The following NOS1AP variants were observed in gnomAD, a reference collection of about 807,000 sequenced individuals.
NOS1AP encodes carboxyl-terminal PDZ ligand of neuronal nitric oxide synthase protein.
A neutral mutation model predicts 56.2 loss-of-function variants in NOS1AP; 21 were observed. The ratio of observed to expected loss-of-function variants is 0.37; its 90% CI spans 0.26 to 0.54. NOS1AP has a LOEUF of 0.54. Ranked by LOEUF, NOS1AP falls within the 20% of genes least tolerant of loss-of-function variation. The probability of loss-of-function intolerance (pLI) is 0.84; values close to 1 mark genes in which losing one functional copy is unlikely to be tolerated. For missense variants in NOS1AP, 522 were observed against 657.8 expected (o/e 0.79, Z 2.26); for synonymous variants, 270 against 274.6 (o/e 0.98, Z 0.17).
At chr1:162,243,069 G>A (rs935269739) in intron 2 of NOS1AP, among the ~76,000 whole-genome samples, 2 of 152,184 alleles carry the variant, frequency 1.3e-5, no homozygotes, top group Non-Finnish European at 2.9e-5. Context: ...CCCTAAGGGA[G>A]CCTACTGTTC....
intron 4 of NOS1AP, among the ~76,000 whole-genome samples, chr1:162,301,167 G>A (rs1475221258): frequency 6.6e-6 from 1 of 152,190 alleles, no homozygotes; most frequent in Non-Finnish European, 1.5e-5. Flanking sequence ...TGTGTCTACA[G>A]GTCTGAATGC....
chr1:162,271,462 T>A (rs764932552), intron 2 of NOS1AP, among the ~76,000 whole-genome samples: 6 of 152,220 alleles, frequency 3.9e-5, no homozygotes, highest in Non-Finnish European at 7.3e-5. Flanking sequence ...GATATGAAAG[T>A]GCTCTGATAT....
intron 2 of NOS1AP, among the ~76,000 whole-genome samples, chr1:162,197,680 G>T (rs912292736): frequency 3.3e-5 from 5 of 152,184 alleles, no homozygotes; most frequent in Admixed American, 3.3e-4. Flanking sequence ...GACTTGTCTC[G>T]GGTCACTTAG....
chr1:162,348,837 G>T (rs1657389948), intron 6 of NOS1AP, among the ~76,000 whole-genome samples: 1 of 152,182 alleles, frequency 6.6e-6, no homozygotes, highest in Non-Finnish European at 1.5e-5. Context: ...TGGCTCATGG[G>T]CCTATATGGC....
At chr1:162,364,753 A>G in intron 8 of NOS1AP, 3 of 987,194 alleles carry the variant, frequency 3.0e-6, no homozygotes, top group Non-Finnish European at 3.6e-6. Context: ...TGTCTGCCAT[A>G]GCAAATAAAA....
intron 2 of NOS1AP, among the ~76,000 whole-genome samples, chr1:162,264,441 T>TCTCCTCTCCTCTCCTCTCC (rs1654340362): frequency 2.1e-3 from 1 of 484 alleles, no homozygotes. Flanking sequence ...TTCTCTTCTC[T>TCTCCTCTCCTCTCCTCTCC]TCTCTTCTCT....
chr1:162,172,892 C>G (rs1269931667), intron 2 of NOS1AP, among the ~76,000 whole-genome samples: 5 of 150,992 alleles, frequency 3.3e-5, no homozygotes, highest in African/African-American at 1.2e-4. Context: ...GAGTGTTATT[C>G]TTAACCAAAC....
At chr1:162,089,149 A>G (rs570946721) in intron 1 of NOS1AP, among the ~76,000 whole-genome samples, 1 of 152,294 alleles carries the variant, frequency 6.6e-6, no homozygotes, top group East Asian at 1.9e-4. Context: ...TTTGGTGAAC[A>G]GAGCTGGGAA....
At chr1:162,268,394 CCTT>C (rs1277520112) in intron 2 of NOS1AP, among the ~76,000 whole-genome samples, 2 of 152,094 alleles carry the variant, frequency 1.3e-5, no homozygotes, top group Admixed American at 6.6e-5. Context: ...GATCTCCAGG[CCTT>C]GACATGTGAA....
chr1:162,348,179 C>T (rs1011933943), intron 6 of NOS1AP, among the ~76,000 whole-genome samples: 2 of 152,170 alleles, frequency 1.3e-5, no homozygotes, highest in African/African-American at 2.4e-5. Flanking sequence ...GCAAGGAGTA[C>T]ATATGTTTTA....
At chr1:162,206,199 C>T (rs1159857002) in intron 2 of NOS1AP, among the ~76,000 whole-genome samples, 1 of 151,936 alleles carries the variant, frequency 6.6e-6, no homozygotes, top group Non-Finnish European at 1.5e-5. Context: ...GGGATTTTTA[C>T]TCCAGGGAGC....
At chr1:162,208,464 AC>A (rs1652239248) in intron 2 of NOS1AP, among the ~76,000 whole-genome samples, 1 of 152,154 alleles carries the variant, frequency 6.6e-6, no homozygotes, top group Non-Finnish European at 1.5e-5. Flanking sequence ...CATTTTAGCC[AC>A]CATGTATCTA....
At chr1:162,277,128 G>A (rs543815263) in intron 2 of NOS1AP, among the ~76,000 whole-genome samples, 8 of 152,216 alleles carry the variant, frequency 5.3e-5, no homozygotes, top group Non-Finnish European at 1.0e-4. Context: ...CTGCAGAATG[G>A]CCTATAAATT....
intron 1 of NOS1AP, among the ~76,000 whole-genome samples, chr1:162,118,979 G>C (rs932349119): frequency 1.3e-5 from 2 of 152,100 alleles, no homozygotes; most frequent in Non-Finnish European, 2.9e-5. Flanking sequence ...AAAGTTCATG[G>C]GGATTTCTAG....
intron 1 of NOS1AP, among the ~76,000 whole-genome samples, chr1:162,094,994 A>T (rs1469285394): frequency 6.6e-6 from 1 of 152,154 alleles, no homozygotes; most frequent in Non-Finnish European, 1.5e-5. Flanking sequence ...ACACTCCACT[A>T]TGGGTTCTGC....
intron 1 of NOS1AP, among the ~76,000 whole-genome samples, chr1:162,102,148 C>T (rs1647304168): frequency 1.3e-5 from 2 of 152,082 alleles, no homozygotes; most frequent in South Asian, 2.1e-4. Flanking sequence ...GAGTTTTTAA[C>T]GTGAAGGTAT....
intron 2 of NOS1AP, among the ~76,000 whole-genome samples, chr1:162,163,327 G>A (rs12029454): frequency 0.21 from 32,178 of 152,074 alleles, 3,798 homozygotes; most frequent in East Asian, 0.37. Flanking sequence ...CTCAGTCAAA[G>A]GAAACAAATC....
intron 8 of NOS1AP, chr1:162,362,987 G>A: frequency 1.1e-6 from 1 of 873,900 alleles, no homozygotes; most frequent in Middle Eastern, 5.8e-4. Flanking sequence ...ATACTTCTAT[G>A]ACCAAATGTA....
At chr1:162,279,475 G>T (rs567167815) in intron 2 of NOS1AP, among the ~76,000 whole-genome samples, 7 of 152,260 alleles carry the variant, frequency 4.6e-5, no homozygotes, top group Non-Finnish European at 1.0e-4. Context: ...ACATCTGTGT[G>T]TGCATGAACC....
Sources: gnomAD v4.1 joint callset for allele counts (sites outside exome capture counted in the v4.1 genomes callset) on GRCh38, gnomAD v4.1.1 for gene constraint, MANE v1.5 for transcripts, NCBI Gene and HGNC (gene_info 2026-07-23, HGNC 2026-07-21) for gene names.